TEP1: variants seen among roughly 807,000 people sequenced by gnomAD.
TEP1 encodes the protein telomerase protein component 1.
Under a neutral mutation model 306.3 loss-of-function variants are expected in TEP1, and 241 were observed. That is an observed-to-expected ratio of 0.79 (90% CI 0.71 to 0.88). The LOEUF is 0.88. TEP1 is among the 40% of genes least tolerant of loss of function. The pLI is 0.00. For synonymous variants in TEP1, 1,289 were observed against 1,305.5 expected (o/e 0.99, Z 0.27); for missense variants, 3,051 against 3,276.1 (o/e 0.93, Z 1.68).
chr14:20,402,487 G>A (rs1030728823), intron 7 of TEP1, among the ~76,000 whole-genome samples: 2 of 152,174 alleles, frequency 1.3e-5, no homozygotes, highest in Non-Finnish European at 2.9e-5. Context: ...TAATAACGAT[G>A]ATGGTAGTGA....
At chr14:20,391,169 G>A in intron 13 of TEP1, 73 bp from the exon 14 acceptor site, 3 of 1,503,384 alleles carry the variant, frequency 2.0e-6, no homozygotes, top group Admixed American at 1.8e-5. Context: ...CAGCCCTGGA[G>A]GCCAAACCCT....
At chr14:20,406,844 T>C (rs1879216360) in intron 2 of TEP1, among the ~76,000 whole-genome samples, 1 of 152,222 alleles carries the variant, frequency 6.6e-6, no homozygotes, top group Non-Finnish European at 1.5e-5. Flanking sequence ...ACTGGGAAAT[T>C]AAATGGAGTG....
intron 51 of TEP1, among the ~76,000 whole-genome samples, 157 bp from the exon 52 acceptor site, chr14:20,369,936 C>A (rs566577611): frequency 3.5e-5 from 3 of 84,546 alleles, no homozygotes; most frequent in South Asian, 3.2e-4. Flanking sequence ...TTTTTTGAGA[C>A]GGAGTCTCAC....
At chr14:20,406,518 C>G in intron 2 of TEP1, 118 bp from the exon 3 acceptor site, 1 of 990,386 alleles carries the variant, frequency 1.0e-6, no homozygotes, top group Admixed American at 2.0e-5. Flanking sequence ...AATAGCACCT[C>G]TAATGTTCTC....
chr14:20,379,378 A>G (rs759370272), intron 35 of TEP1, among the ~76,000 whole-genome samples: 4 of 152,234 alleles, frequency 2.6e-5, no homozygotes, highest in Non-Finnish European at 5.9e-5. Context: ...AGGGGATGAC[A>G]TGAGTGTAAA....
Position 20,368,462 on chromosome 14 carries a change from T to C in TEP1, c.7859A>G (p.Asn2620Ser). 6.2e-7 allele frequency: 1 copy of C among 1,614,192 alleles called. No individual in the cohort carries two copies. Among genetic ancestry groups the C allele is most frequent in the Non-Finnish European group, 8.5e-7 (1 of 1,180,036 alleles). ...LQLAVGDVQG[N>S]VYFLNWE ...TCATTCCCAATTCAGAAAGTACACA[T>C]TGCCCTGCACGTCTCCCACGGCAAG... Residue 2620 changes from asparagine to serine, a missense_variant, in exon 55 of 55, where the codon AAT (asparagine) becomes AGT (serine). Asn to Ser is a conservative substitution (Grantham distance 46). Coordinates refer to ENST00000262715, the MANE Select transcript of TEP1 (RefSeq NM_007110.5).
At chr14:20,404,860 T>C in intron 4 of TEP1, 88 bp from the exon 5 acceptor site, 1 of 1,449,648 alleles carries the variant, frequency 6.9e-7, no homozygotes, top group East Asian at 2.4e-5. Context: ...AGTGTGCCTG[T>C]ATAAAACCTT....
rs778490963 is a variant in TEP1, at chr14:20,401,408, G to A, written c.1391+49C>T. 2.5e-6 allele frequency: 4 copies of A among 1,607,850 alleles called. No homozygotes were observed. The Admixed American group carries it at 6.8e-5, about 27-fold the overall frequency. On this transcript the variant is annotated intron_variant, in intron 8 of 54. Coordinates refer to ENST00000262715, the MANE Select transcript of TEP1 (RefSeq NM_007110.5). ...GGATGGGGGCCACGGATGTTGAAAA[G>A]TTAAGGAATTACTTAGATGGAATGC...
At position 20,374,284 on chromosome 14, in the gene TEP1, G is replaced by A. The variant is rs1408003938; in HGVS notation, c.6471+145C>T. The A allele has an allele frequency of 1.6e-5, 9 of 565,716 alleles. No individual in the cohort carries two copies. The Admixed American group carries it at 3.1e-4, about 20-fold the overall frequency. 35.0% of individuals were successfully genotyped at this position (565,716 alleles called of 1,614,324 possible). On this transcript the variant is annotated intron_variant, in intron 44 of 54. Coordinates refer to ENST00000262715, the MANE Select transcript of TEP1 (RefSeq NM_007110.5). The stretch of plus-strand genomic sequence containing the variant: ...TTTATTTTTATTTTTTATAGAGATG[G>A]GGGGTCTTCCTATGTTGCCTAATCT...
At chr14:20,409,362 T>C (rs1879450355) in intron 1 of TEP1, among the ~76,000 whole-genome samples, 1 of 152,238 alleles carries the variant, frequency 6.6e-6, no homozygotes, top group Non-Finnish European at 1.5e-5. Context: ...CTAATCCTTT[T>C]ACATACTTTC....
chr14:20,369,235 C>T, intron 53 of TEP1, 109 bp downstream of exon 53: 3 of 1,102,486 alleles, frequency 2.7e-6, no homozygotes, highest in East Asian at 5.0e-5. Context: ...GTCTTGATCT[C>T]CTGACCTCAT....
chr14:20,374,142 G>A (rs1170491620), intron 44 of TEP1, among the ~76,000 whole-genome samples: 7 of 151,056 alleles, frequency 4.6e-5, no homozygotes. Flanking sequence ...GGAGGCTGGA[G>A]TGCAGTGGTT....
At position 20,383,744 on chromosome 14, in the gene TEP1, G is replaced by A. The variant is rs760296837; in HGVS notation, c.3709C>T (p.Arg1237Ter). 8 of 1,610,786 alleles carry A rather than the reference G, an allele frequency of 5.0e-6. No individual in the cohort carries two copies. The highest frequency in any genetic ancestry group is 2.7e-5 in the African/African-American group (2 of 75,010). ...CTGGGCTCATTGGGGGATACCCACC[G>A]GTAGGTGCTGGGGAGGGCACCTGGC... ...KEPGALPSTY[R>*]SLVWELQQRL... The change falls in exon 25 of 55, where the codon CGA (arginine) becomes TGA (stop). Residue 1237 changes from arginine (R) to a stop codon, truncating the protein, a stop_gained and splice_region_variant. Transcript: ENST00000262715. LOFTEE classifies it high-confidence loss of function.
chr14:20,378,257 G>T, intron 38 of TEP1, 21 bp from the exon 39 acceptor site: 1 of 1,613,514 alleles, frequency 6.2e-7, no homozygotes, highest in Non-Finnish European at 8.5e-7. Context: ...AGGTAGAAAT[G>T]GAAACGTGAA....
intron 9 of TEP1, among the ~76,000 whole-genome samples, chr14:20,400,129 C>T (rs1333266308): frequency 1.8e-5 from 2 of 110,844 alleles, no homozygotes; most frequent in Non-Finnish European, 3.7e-5. Context: ...AAGAGCAAAA[C>T]TCCGTCTCAA....
Position 20,408,334 on chromosome 14 carries a change from G to A in TEP1, c.106C>T (p.Gln36Ter). The A allele has an allele frequency of 6.2e-7, 1 of 1,613,594 alleles. No individual in the cohort carries two copies. The highest frequency in any genetic ancestry group is 8.5e-7 in the Non-Finnish European group (1 of 1,179,882). Residue 36 changes from glutamine (Q) to a stop codon, truncating the protein, a stop_gained, in exon 2 of 55, where the codon CAG becomes TAG. Coordinates refer to ENST00000262715, the MANE Select transcript of TEP1 (RefSeq NM_007110.5). LOFTEE classifies it high-confidence loss of function. Reference sequence around the variant, plus strand: ...ATATCTGAGTGGGTAGATACATGCTGATGTAGTTTCTCCAAGGGCTGTAAG... The same window carrying A: ...ATATCTGAGTGGGTAGATACATGCTAATGTAGTTTCTCCAAGGGCTGTAAG... The part of the protein sequence containing the change: ...PDLQPLEKLH[Q>*]HVSTHSDILS...
At chr14:20,397,109 T>C (rs916396122) in intron 9 of TEP1, among the ~76,000 whole-genome samples, 3 of 152,212 alleles carry the variant, frequency 2.0e-5, no homozygotes, top group African/African-American at 7.2e-5. Flanking sequence ...GGGATGGCTG[T>C]TATGTTACCA....
In TEP1 at chr14:20,406,486, G is replaced by A. The variant is rs187282467; in HGVS notation, c.568-86C>T. 154 of 1,416,082 alleles carry A rather than the reference G, an allele frequency of 1.1e-4. No homozygotes were observed. The African/African-American group carries it at 1.7e-3, about 15-fold the overall frequency. 87.7% of individuals were successfully genotyped at this position (1,416,082 alleles called of 1,614,324 possible). A position where few individuals can be genotyped will look rare whatever the true frequency, so the allele number is the denominator to read the frequency against. ...GGATCTGAAGGCAGCACCAGGCCACGGGAAAAGTCTACATCTCCATTAATA... is the reference window on the plus strand; with the variant it reads ...GGATCTGAAGGCAGCACCAGGCCACAGGAAAAGTCTACATCTCCATTAATA... On this transcript the variant is annotated intron_variant, in intron 2 of 54. Coordinates refer to ENST00000262715, the MANE Select transcript of TEP1 (RefSeq NM_007110.5).
intron 15 of TEP1, among the ~76,000 whole-genome samples, 183 bp from the exon 16 acceptor site, chr14:20,389,923 G>T (rs1184561985): frequency 6.6e-6 from 1 of 152,232 alleles, no homozygotes; most frequent in Non-Finnish European, 1.5e-5. Flanking sequence ...AGTGGAGGTT[G>T]GAGTGGGGCA....
Sources: gnomAD v4.1 joint callset for allele counts (sites outside exome capture counted in the v4.1 genomes callset) on GRCh38, gnomAD v4.1.1 for gene constraint, MANE v1.5 for transcripts, NCBI Gene and HGNC (gene_info 2026-07-23, HGNC 2026-07-21) for gene names.